Variants in CHLSN observed in about 807,000 individuals in gnomAD.
CHLSN encodes cholesin, also known as protein cholesin.
At chr7:1,102,698 A>G in the CHLSN span, among the ~76,000 whole-genome samples, 2 of 152,278 alleles carry the variant, frequency 1.3e-5, no homozygotes, top group Non-Finnish European at 2.9e-5. Flanking sequence ...CTGAACTGTG[A>G]TCCTGCGCCC....
At chr7:1,000,599 C>A in the CHLSN span, 17 of 1,482,140 alleles carry the variant, frequency 1.1e-5, no homozygotes, top group East Asian at 4.7e-5. Context: ...AAAAGACTCC[C>A]GGGCAGCTGT....
the CHLSN span, among the ~76,000 whole-genome samples, chr7:1,066,067 T>C: frequency 5.3e-5 from 8 of 152,236 alleles, no homozygotes; most frequent in Non-Finnish European, 7.4e-5. Flanking sequence ...ATAGGCGGCA[T>C]GGGGCCGACA....
the CHLSN span, among the ~76,000 whole-genome samples, chr7:978,265 C>T: frequency 6.6e-6 from 1 of 152,182 alleles, no homozygotes; most frequent in Admixed American, 6.5e-5. Context: ...CACCTGTAAT[C>T]CCAACACTCT....
chr7:1,032,866 T>C, the CHLSN span, among the ~76,000 whole-genome samples: 6 of 152,230 alleles, frequency 3.9e-5, no homozygotes, highest in Non-Finnish European at 8.8e-5. Context: ...CCAAGCATCC[T>C]TCCTCCAGCC....
the CHLSN span, among the ~76,000 whole-genome samples, chr7:1,023,668 CA>C: frequency 3.9e-3 from 386 of 99,592 alleles, 3 homozygotes; most frequent in African/African-American, 0.011. The surrounding 1 kb of genome is among the most constrained non-coding windows in gnomAD (Gnocchi z 5.0). Flanking sequence ...CACACACACA[CA>C]CACACACACC....
chr7:987,761 G>T, the CHLSN span, among the ~76,000 whole-genome samples: 1 of 152,144 alleles, frequency 6.6e-6, no homozygotes, highest in East Asian at 1.9e-4. Context: ...ATGTCCTGGG[G>T]TCCCCTCCGT....
chr7:1,042,001 C>T, the CHLSN span, among the ~76,000 whole-genome samples: 1,530 of 152,304 alleles, frequency 0.01, 20 homozygotes, highest in African/African-American at 0.036. Flanking sequence ...GTGAGACACG[C>T]GGCTGCATCA....
the CHLSN span, among the ~76,000 whole-genome samples, chr7:1,050,757 A>G: frequency 4.6e-5 from 7 of 152,176 alleles, no homozygotes; most frequent in Non-Finnish European, 8.8e-5. Context: ...AGGAGTGAGC[A>G]CCGCTCAGTA....
chr7:1,059,499 CCGTAG>C, the CHLSN span, among the ~76,000 whole-genome samples: 1 of 140,394 alleles, frequency 7.1e-6, no homozygotes, highest in African/African-American at 3.2e-5. Context: ...TGGGGCGGGT[CCGTAG>C]TGGGGCGGGT....
chr7:1,117,095 C>T, the CHLSN span, among the ~76,000 whole-genome samples: 1 of 116,130 alleles, frequency 8.6e-6, no homozygotes, highest in East Asian at 2.9e-4. Flanking sequence ...CTCTACGGAC[C>T]GGCTTCCATC....
the CHLSN span, among the ~76,000 whole-genome samples, chr7:1,037,586 C>T: frequency 1.0e-4 from 15 of 146,798 alleles, 3 homozygotes; most frequent in African/African-American, 2.9e-4. Flanking sequence ...GCGTGAATCT[C>T]GGCTCACTAC....
At chr7:997,677 G>T in the CHLSN span, 8 of 1,610,502 alleles carry the variant, frequency 5.0e-6, no homozygotes, top group South Asian at 2.2e-5. Flanking sequence ...CCCCGGCAGG[G>T]GGGGATCAGA....
chr7:1,041,656 C>T, the CHLSN span, among the ~76,000 whole-genome samples: 1 of 152,236 alleles, frequency 6.6e-6, no homozygotes, highest in Non-Finnish European at 1.5e-5. Context: ...ACAAGCCATA[C>T]TCACAAGAAC....
the CHLSN span, chr7:1,057,848 G>T: frequency 1.3e-6 from 1 of 777,642 alleles, no homozygotes; most frequent in Non-Finnish European, 2.4e-6. Flanking sequence ...CCTTCAATGT[G>T]TCCTCACTGG....
At chr7:1,005,481 C>T in the CHLSN span, among the ~76,000 whole-genome samples, 9 of 152,364 alleles carry the variant, frequency 5.9e-5, no homozygotes, top group South Asian at 2.1e-4. Flanking sequence ...AAGGCCCGAG[C>T]GGGGCTGGCG....
the CHLSN span, among the ~76,000 whole-genome samples, chr7:1,094,246 C>T: frequency 2.6e-5 from 4 of 152,224 alleles, no homozygotes; most frequent in South Asian, 4.1e-4. Context: ...CCTCCTTTCC[C>T]GCCTCACCCA....
chr7:1,127,790 C>T, the CHLSN span, among the ~76,000 whole-genome samples: 1 of 66,930 alleles, frequency 1.5e-5, no homozygotes, highest in Non-Finnish European at 2.7e-5. Context: ...AGTGCAGTGG[C>T]ACGATCTCGG....
chr7:982,603 G>T, the CHLSN span, among the ~76,000 whole-genome samples: 1 of 152,278 alleles, frequency 6.6e-6, no homozygotes, highest in East Asian at 1.9e-4. Flanking sequence ...GCTACCTGGG[G>T]CGAGAACACC....
chr7:1,058,028 G>C, the CHLSN span: 1 of 769,434 alleles, frequency 1.3e-6, no homozygotes, highest in Non-Finnish European at 2.4e-6. Flanking sequence ...GCAGCCATGT[G>C]TCCACCCGCG....
Sources: allele counts gnomAD v4.1 joint callset (sites outside exome capture counted in the v4.1 genomes callset), GRCh38; gene constraint gnomAD v4.1.1; non-coding constraint Gnocchi (gnomAD v3.1); transcripts MANE v1.5; gene names NCBI Gene and HGNC (gene_info 2026-07-23, HGNC 2026-07-21).